CSMD1: variants seen among roughly 807,000 people sequenced by gnomAD.
The protein encoded by CSMD1 is CUB and sushi domain-containing protein 1.
Under a neutral mutation model 417.5 loss-of-function variants are expected in CSMD1, and 213 were observed. The observed-to-expected ratio is 0.51, with a 90% CI of 0.46 to 0.57. CSMD1 has a LOEUF of 0.57. CSMD1 is among the 20% of genes least tolerant of loss of function. CSMD1 has a pLI of 0.00. For synonymous variants in CSMD1, 2,862 were observed against 1,736.8 expected, an observed-to-expected ratio of 1.65 and a Z score of -16.11; for missense variants, 6,923 against 4,529.7, an observed-to-expected ratio of 1.53 and a Z score of -15.17.
intron 10 of CSMD1, among the ~76,000 whole-genome samples, chr8:3,570,803 T>C (rs1799911220): frequency 1.3e-5 from 2 of 152,300 alleles, no homozygotes; most frequent in African/African-American, 4.8e-5. Flanking sequence ...GTTCTCACAG[T>C]GCAATGGGAC....
intron 2 of CSMD1, among the ~76,000 whole-genome samples, chr8:4,501,158 G>C (rs755252031): frequency 1.3e-5 from 2 of 152,070 alleles, no homozygotes; most frequent in Non-Finnish European, 2.9e-5. Flanking sequence ...ATGTGTATAT[G>C]TTTATGTGTA....
intron 3 of CSMD1, among the ~76,000 whole-genome samples, chr8:4,209,460 A>C (rs993874478): frequency 5.3e-5 from 8 of 152,184 alleles, no homozygotes; most frequent in African/African-American, 1.9e-4. Flanking sequence ...GGACATTGTC[A>C]CATCTGCTAG....
intron 4 of CSMD1, among the ~76,000 whole-genome samples, chr8:4,026,101 G>C (rs557719566): frequency 6.6e-6 from 1 of 151,582 alleles, no homozygotes; most frequent in Non-Finnish European, 1.5e-5. Flanking sequence ...CATTTCATTC[G>C]TGTGAATTAT....
intron 10 of CSMD1, among the ~76,000 whole-genome samples, chr8:3,495,386 T>G (rs186991520): frequency 2.0e-5 from 3 of 152,150 alleles, no homozygotes; most frequent in Non-Finnish European, 4.4e-5. Flanking sequence ...TGTGTCATGT[T>G]TGGCTGATTT....
At chr8:3,254,907 T>C (rs201439441) in intron 26 of CSMD1, among the ~76,000 whole-genome samples, 13 of 152,190 alleles carry the variant, frequency 8.5e-5, no homozygotes, top group African/African-American at 3.1e-4. Context: ...TGTTCCATTG[T>C]TGGTGAGGAG....
At chr8:3,734,221 G>C (rs1796411370) in intron 6 of CSMD1, among the ~76,000 whole-genome samples, 1 of 152,318 alleles carries the variant, frequency 6.6e-6, no homozygotes, top group East Asian at 1.9e-4. Flanking sequence ...TTCACGATGA[G>C]AATGGGAGCC....
chr8:3,858,508 G>A (rs931418715), intron 5 of CSMD1, among the ~76,000 whole-genome samples: 5 of 152,204 alleles, frequency 3.3e-5, no homozygotes, highest in African/African-American at 1.2e-4. Flanking sequence ...GAAATGGAAG[G>A]CCTACTTAAT....
At chr8:4,659,152 A>G (rs917621285) in intron 1 of CSMD1, among the ~76,000 whole-genome samples, 1 of 152,194 alleles carries the variant, frequency 6.6e-6, no homozygotes, top group Non-Finnish European at 1.5e-5. Context: ...CCATGAGAAA[A>G]TAAAAAGTTT....
At chr8:3,879,534 C>A (rs10089485) in intron 5 of CSMD1, among the ~76,000 whole-genome samples, 140,936 of 152,236 alleles carry the variant, frequency 0.93, 65,322 homozygotes, top group Middle Eastern at 0.98. Context: ...GCTCCTCCCC[C>A]GCTACAGTCT....
At chr8:4,137,547 G>A (rs189720557) in intron 3 of CSMD1, among the ~76,000 whole-genome samples, 2 of 130,884 alleles carry the variant, frequency 1.5e-5, no homozygotes, top group African/African-American at 5.0e-5. Context: ...TTTGTATTAT[G>A]TTTTCTTTGA....
chr8:4,256,573 A>G (rs1031102603), intron 3 of CSMD1, among the ~76,000 whole-genome samples: 1 of 150,524 alleles, frequency 6.6e-6, no homozygotes. Flanking sequence ...TTAAAACCCC[A>G]TGGGAAGGGG....
intron 5 of CSMD1, among the ~76,000 whole-genome samples, chr8:3,790,890 T>G (rs1585003186): frequency 6.6e-6 from 1 of 152,154 alleles, no homozygotes; most frequent in South Asian, 2.1e-4. Flanking sequence ...CTGTCGCTAA[T>G]GAATGGATGT....
At chr8:4,974,896 A>G (rs1400947898) in intron 1 of CSMD1, among the ~76,000 whole-genome samples, 1 of 152,236 alleles carries the variant, frequency 6.6e-6, no homozygotes, top group Admixed American at 6.5e-5. Flanking sequence ...CAAAAAAACT[A>G]TGATGGTTTA....
intron 10 of CSMD1, among the ~76,000 whole-genome samples, chr8:3,523,665 GCACA>G (rs1319239778): frequency 4.8e-5 from 6 of 125,112 alleles, no homozygotes; most frequent in Admixed American, 1.6e-4. Flanking sequence ...AGTTACACAT[GCACA>G]CACACGTACA....
intron 2 of CSMD1, among the ~76,000 whole-genome samples, chr8:4,616,138 G>C (rs1801461960): frequency 1.3e-5 from 2 of 152,100 alleles, no homozygotes; most frequent in Admixed American, 6.6e-5. Context: ...TCCCTTTGTT[G>C]TGATAAAAAT....
At chr8:3,466,833 T>C (rs1393702375) in intron 12 of CSMD1, among the ~76,000 whole-genome samples, 1 of 152,220 alleles carries the variant, frequency 6.6e-6, no homozygotes, top group East Asian at 1.9e-4. Flanking sequence ...GCACTTTGTC[T>C]TCAACTGTTA....
intron 3 of CSMD1, among the ~76,000 whole-genome samples, chr8:4,349,348 G>C (rs1417955764): frequency 6.6e-6 from 1 of 152,170 alleles, no homozygotes; most frequent in African/African-American, 2.4e-5. Context: ...AGATGTAGGT[G>C]TTATCGTATT....
At chr8:3,586,671 G>T (rs1409874330) in intron 8 of CSMD1, among the ~76,000 whole-genome samples, 2 of 152,158 alleles carry the variant, frequency 1.3e-5, no homozygotes, top group Non-Finnish European at 2.9e-5. Context: ...AAGTAAAAAA[G>T]TCTAGGTTAA....
chr8:4,289,906 C>T (rs1313780133), intron 3 of CSMD1, among the ~76,000 whole-genome samples: 1 of 152,140 alleles, frequency 6.6e-6, no homozygotes, highest in Non-Finnish European at 1.5e-5. Context: ...TCAAATGGTA[C>T]CTCTGAGTGC....
Sources: gnomAD v4.1 joint callset for allele counts (sites outside exome capture counted in the v4.1 genomes callset) on GRCh38, gnomAD v4.1.1 for gene constraint, MANE v1.5 for transcripts, NCBI Gene and HGNC (gene_info 2026-07-23, HGNC 2026-07-21) for gene names.